Variants in PDK1 observed in about 807,000 individuals in gnomAD.
PDK1 encodes the protein [Pyruvate dehydrogenase (acetyl-transferring)] kinase isozyme 1, mitochondrial.
PDK1 carries 39 observed loss-of-function variants against 54.2 expected under a neutral mutation model. The ratio of observed to expected loss-of-function variants is 0.72; its 90% CI spans 0.56 to 0.94. The LOEUF (loss-of-function observed/expected upper bound fraction) is 0.94, where lower values mean the gene tolerates loss of function less well. Among genes scored for constraint, PDK1 ranks in the 40% least tolerant of loss-of-function variants. PDK1 has a pLI of 0.00. For missense variants in PDK1, 552 were observed against 566.0 expected, an observed-to-expected ratio of 0.98 and a Z score of 0.25; for synonymous variants, 221 against 207.1, an observed-to-expected ratio of 1.07 and a Z score of -0.58.
At chr2:172,630,247 C>T in the PDK1 span, among the ~76,000 whole-genome samples, 1 of 152,160 alleles carries the variant, frequency 6.6e-6, no homozygotes, top group Non-Finnish European at 1.5e-5. Context: ...CTCTGTAAAC[C>T]TATTTATATT....
At chr2:172,654,474 G>A in the PDK1 span, among the ~76,000 whole-genome samples, 2 of 152,230 alleles carry the variant, frequency 1.3e-5, no homozygotes, top group East Asian at 3.9e-4. Flanking sequence ...CATGGATGAA[G>A]CTAGAAACCA....
chr2:172,677,153 T>C, the PDK1 span: 1 of 152,248 alleles, frequency 6.6e-6, no homozygotes, highest in Non-Finnish European at 1.5e-5. Context: ...CATTGCAGTA[T>C]TCATTTTATT....
chr2:172,557,600 T>C lies in PDK1; in HGVS notation c.197-1108T>C, dbSNP rs1558921615. 2.0e-5 allele frequency among the ~76,000 whole-genome samples: 3 copies of C among 148,648 alleles called. No homozygotes were observed. The South Asian group carries it at 6.4e-4, about 32-fold the overall frequency. On this transcript the variant is annotated intron_variant, in intron 1 of 10. Transcript: ENST00000282077. ...CTTGAAAGCTTTCCTCTGCACTTAC[T>C]CTTTTTTCCCGTGTGTGTGTGTGTG... is the stretch of plus-strand genomic sequence containing the variant.
Position 172,599,312 on chromosome 2 carries a change from G to A in PDK1, c.*3343G>A, listed in dbSNP as rs1434523881. On this transcript the variant is annotated 3_prime_UTR_variant, in exon 11 of 11. Coordinates refer to ENST00000282077, the MANE Select transcript of PDK1 (RefSeq NM_002610.5). Reference sequence around the variant, plus strand: ...TTCCCTTCATTGTTGAAGCCAACAAGTTCCGTAACAGAACTCCAGAGGTAA... The same window carrying A: ...TTCCCTTCATTGTTGAAGCCAACAAATTCCGTAACAGAACTCCAGAGGTAA... The A allele has an allele frequency of 6.6e-6, 1 of 152,132 alleles. No individual in the cohort carries two copies. Among genetic ancestry groups the A allele is most frequent in the African/African-American group, 2.4e-5 (1 of 41,426 alleles). 9.4% of individuals were successfully genotyped at this position (152,132 alleles called of 1,614,324 possible).
At chr2:172,712,329 C>G in the PDK1 span, among the ~76,000 whole-genome samples, 5 of 152,228 alleles carry the variant, frequency 3.3e-5, no homozygotes, top group African/African-American at 4.8e-5. Flanking sequence ...CCAGGAACCT[C>G]TGTGGCTGTC....
the PDK1 span, among the ~76,000 whole-genome samples, chr2:172,664,913 A>G: frequency 9.6e-4 from 146 of 152,254 alleles, 1 homozygote; most frequent in South Asian, 0.01. Flanking sequence ...ATAGCTGCAT[A>G]TGGACTTCAT....
rs774464471 is a variant in PDK1 at position 172,595,997 on chromosome 2, A to G, written c.*28A>G. The G allele has an allele frequency of 3.2e-6, 5 of 1,579,592 alleles. No homozygotes were observed. The highest frequency in any genetic ancestry group is 2.3e-5 in the South Asian group (2 of 88,342). On this transcript the variant is annotated 3_prime_UTR_variant, in exon 11 of 11. Coordinates refer to ENST00000282077, the MANE Select transcript of PDK1 (RefSeq NM_002610.5). Reference sequence around the variant, plus strand: ...ACACTTGGGACATCGGAAAATCCAAATGTGGCTTTTGTATTAAATTTGGAA... The same window carrying G: ...ACACTTGGGACATCGGAAAATCCAAGTGTGGCTTTTGTATTAAATTTGGAA...
chr2:172,703,393 C>G, the PDK1 span, among the ~76,000 whole-genome samples: 1 of 152,164 alleles, frequency 6.6e-6, no homozygotes, highest in Non-Finnish European at 1.5e-5. Context: ...ACTGCAGCCA[C>G]AGAAAACATA....
the PDK1 span, among the ~76,000 whole-genome samples, chr2:172,687,033 T>C: frequency 6.6e-6 from 1 of 152,218 alleles, no homozygotes; most frequent in South Asian, 2.1e-4. Flanking sequence ...ACTTTTTGTA[T>C]GGTTGAGCTC....
At chr2:172,690,579 T>C in the PDK1 span, among the ~76,000 whole-genome samples, 1 of 150,010 alleles carries the variant, frequency 6.7e-6, no homozygotes, top group Non-Finnish European at 1.5e-5. Context: ...CTGTTCACAA[T>C]AGCAAAGACT....
At position 172,583,664 on chromosome 2, in the gene PDK1, G is replaced by T. The variant is rs180866700; in HGVS notation, c.946-2614G>T. Among the ~76,000 whole-genome samples the T allele has an allele frequency of 2.1e-3, 320 of 151,780 alleles. 2 individuals carry two copies. The highest frequency in any genetic ancestry group is 7.2e-3 in the African/African-American group (298 of 41,352). ...ATTACTTAATTTTAGATGTATTCGAGGCACATCTTTCAATGGTATTTCAAG... is the reference window on the plus strand; with the variant it reads ...ATTACTTAATTTTAGATGTATTCGATGCACATCTTTCAATGGTATTTCAAG... On this transcript the variant is annotated intron_variant, in intron 8 of 10. Transcript: ENST00000282077.
At position 172,556,297 on chromosome 2, in the gene PDK1, C is replaced by T. The variant is rs1486666655; in HGVS notation, c.147C>T (p.Tyr49=). The stretch of plus-strand genomic sequence containing the variant: ...GCGTTCCGGGCCAGGTGGACTTCTA[C>T]GCGCGCTTCTCGCCGTCCCCGCTCT... The part of the protein sequence containing the change: ...ERGVPGQVDF[Y]ARFSPSPLSM... The change falls in exon 1 of 11, where the codon TAC becomes TAT. Residue 49 remains tyrosine, a synonymous_variant. Transcript: ENST00000282077. 1 of 1,509,616 alleles carries T rather than the reference C, an allele frequency of 6.6e-7. No homozygotes were observed. The highest frequency in any genetic ancestry group is 8.8e-7 in the Non-Finnish European group (1 of 1,134,744). The allele number at this position is 1,509,616 out of a possible 1,614,324, so 93.5% of individuals were successfully genotyped here.
At chr2:172,721,473 G>T in the PDK1 span, among the ~76,000 whole-genome samples, 54,644 of 151,862 alleles carry the variant, frequency 0.36, 10,189 homozygotes, top group Middle Eastern at 0.56. Flanking sequence ...AGGTAGCTGG[G>T]ATTACAGGCA....
chr2:172,611,713 T>G (rs1415216829), downstream of PDK1, among the ~76,000 whole-genome samples: 1 of 152,254 alleles, frequency 6.6e-6, no homozygotes, highest in African/African-American at 2.4e-5. Context: ...AAATGTGATT[T>G]ATCCCATCTA....
chr2:172,687,100 ATATAT>A, the PDK1 span, among the ~76,000 whole-genome samples: 5 of 151,624 alleles, frequency 3.3e-5, no homozygotes, highest in Non-Finnish European at 5.9e-5. Flanking sequence ...TAAACTAACA[ATATAT>A]TATATAGTAA....
the PDK1 span, among the ~76,000 whole-genome samples, chr2:172,621,853 GTTTATATCTCATATGTATGATATA>G: frequency 7.1e-5 from 10 of 140,322 alleles, no homozygotes; most frequent in East Asian, 2.0e-3. Flanking sequence ...TATGATACAT[GTTTATATCTCATATGTATGATATA>G]TGTTTATATC....
At chr2:172,677,801 A>C in the PDK1 span, among the ~76,000 whole-genome samples, 1 of 152,274 alleles carries the variant, frequency 6.6e-6, no homozygotes, top group African/African-American at 2.4e-5. Context: ...AATAATACTT[A>C]GATGGTCAAA....
At chr2:172,668,816 T>C in the PDK1 span, among the ~76,000 whole-genome samples, 76 of 147,488 alleles carry the variant, frequency 5.2e-4, 1 homozygote, top group Middle Eastern at 7.1e-3. Flanking sequence ...ATACATTATA[T>C]ATATATACAC....
the PDK1 span, among the ~76,000 whole-genome samples, chr2:172,722,322 A>G: frequency 6.6e-6 from 1 of 152,354 alleles, no homozygotes; most frequent in Admixed American, 6.5e-5. Context: ...TGTCCTGGCA[A>G]ATGGCCAACC....
Sources: allele counts gnomAD v4.1 joint callset (sites outside exome capture counted in the v4.1 genomes callset), GRCh38; gene constraint gnomAD v4.1.1; transcripts MANE v1.5; gene names NCBI Gene and HGNC (gene_info 2026-07-23, HGNC 2026-07-21).